The following ANO10 variants were observed in gnomAD, a reference collection of about 807,000 sequenced individuals.
The protein encoded by ANO10 is anoctamin 10, also known as anoctamin-10.
A neutral mutation model predicts 74.7 loss-of-function variants in ANO10; 77 were observed. The ratio of observed to expected loss-of-function variants is 1.03; its 90% confidence interval spans 0.86 to 1.25. The LOEUF is 1.25. Ranked by LOEUF, ANO10 falls within the 50% of genes most tolerant of loss-of-function variation. ANO10 has a pLI of 0.00. For missense variants in ANO10, 721 were observed against 778.1 expected, an observed-to-expected ratio of 0.93 and a Z score of 0.87; for synonymous variants, 279 against 284.9, an observed-to-expected ratio of 0.98 and a Z score of 0.21.
intron 11 of ANO10, among the ~76,000 whole-genome samples, chr3:43,440,204 ATTACT>A (rs2093138783): frequency 6.6e-6 from 1 of 152,172 alleles, no homozygotes; most frequent in Admixed American, 6.6e-5. Context: ...TCTATCAGTA[ATTACT>A]TTAAGTGTAA....
chr3:43,452,330 G>C (rs1213474085), intron 11 of ANO10, among the ~76,000 whole-genome samples: 1 of 152,202 alleles, frequency 6.6e-6, no homozygotes, highest in African/African-American at 2.4e-5. Flanking sequence ...GCCCCTTAAT[G>C]GTCATTTTCC....
At chr3:43,561,089 G>T in intron 9 of ANO10, 131 bp downstream of exon 9, 1 of 1,052,096 alleles carries the variant, frequency 9.5e-7, no homozygotes, top group Non-Finnish European at 1.5e-6. Context: ...GGTTCATGAT[G>T]AGGAAACTGA....
chr3:43,446,743 T>G (rs2093252168), intron 11 of ANO10, among the ~76,000 whole-genome samples: 1 of 152,182 alleles, frequency 6.6e-6, no homozygotes, highest in South Asian at 2.1e-4. Context: ...AGATGAATAT[T>G]CATAGGTAGA....
chr3:43,369,654 C>T (rs2091536957), intron 12 of ANO10, among the ~76,000 whole-genome samples: 1 of 152,110 alleles, frequency 6.6e-6, no homozygotes, highest in Non-Finnish European at 1.5e-5. Context: ...TGGTTTCCTT[C>T]CAAGGGCACT....
At chr3:43,533,732 T>C (rs2078573990) in intron 11 of ANO10, among the ~76,000 whole-genome samples, 1 of 152,208 alleles carries the variant, frequency 6.6e-6, no homozygotes, top group South Asian at 2.1e-4. Flanking sequence ...CTTCAACCTG[T>C]CATTTATTCA....
intron 12 of ANO10, among the ~76,000 whole-genome samples, chr3:43,370,667 T>G (rs2091577016): frequency 6.6e-6 from 1 of 152,184 alleles, no homozygotes; most frequent in African/African-American, 2.4e-5. Flanking sequence ...GCTGACGACT[T>G]CTCCAAAAAA....
intron 11 of ANO10, among the ~76,000 whole-genome samples, chr3:43,508,726 T>C (rs2077391336): frequency 2.0e-5 from 3 of 149,248 alleles, no homozygotes; most frequent in South Asian, 4.2e-4. Flanking sequence ...TTCTCACTCA[T>C]ACGTGGGAAT....
At chr3:43,485,626 A>C (rs1394762860) in intron 11 of ANO10, 1 of 203,168 alleles carries the variant, frequency 4.9e-6, no homozygotes, top group Non-Finnish European at 1.0e-5. Context: ...AAGGACCCCC[A>C]GTAACATTAG....
upstream of ANO10, among the ~76,000 whole-genome samples, chr3:43,622,368 C>G (rs2083438631): frequency 6.6e-6 from 1 of 152,194 alleles, no homozygotes; most frequent in Non-Finnish European, 1.5e-5. Context: ...GGCTGTCACT[C>G]CGAGCCGGGG....
At chr3:43,596,697 G>T (rs1258515297) in intron 4 of ANO10, among the ~76,000 whole-genome samples, 1 of 152,142 alleles carries the variant, frequency 6.6e-6, no homozygotes, top group Non-Finnish European at 1.5e-5. Context: ...CAGGACATAG[G>T]CATGGGCAAG....
chr3:43,459,243 G>A (rs11709131), intron 11 of ANO10, among the ~76,000 whole-genome samples: 9,770 of 151,618 alleles, frequency 0.064, 448 homozygotes, highest in Middle Eastern at 0.15. Flanking sequence ...CTCTTCTTTC[G>A]GTAGCCACAA....
intron 1 of ANO10, among the ~76,000 whole-genome samples, chr3:43,684,847 C>T (rs527576490): frequency 4.1e-4 from 63 of 152,172 alleles, no homozygotes; most frequent in Middle Eastern, 3.4e-3. Flanking sequence ...AACCAAACAC[C>T]GCATGTTCTC....
intron 1 of ANO10, among the ~76,000 whole-genome samples, chr3:43,667,599 C>T (rs2084007472): frequency 6.6e-6 from 1 of 152,106 alleles, no homozygotes; most frequent in Non-Finnish European, 1.5e-5. Context: ...TCCTGACCTT[C>T]CCTGCACCCT....
chr3:43,675,701 C>A (rs1434008406), intron 1 of ANO10, among the ~76,000 whole-genome samples: 1 of 152,040 alleles, frequency 6.6e-6, no homozygotes, highest in Non-Finnish European at 1.5e-5. Context: ...ACACCCATCA[C>A]TACACACCCA....
At chr3:43,493,884 T>C (rs1308365735) in intron 11 of ANO10, among the ~76,000 whole-genome samples, 1 of 152,050 alleles carries the variant, frequency 6.6e-6, no homozygotes, top group African/African-American at 2.4e-5. Context: ...TACAGGCACA[T>C]ACCACCACAC....
At chr3:43,521,247 AAACATTC>A (rs947585187) in intron 11 of ANO10, among the ~76,000 whole-genome samples, 2 of 152,172 alleles carry the variant, frequency 1.3e-5, no homozygotes, top group African/African-American at 2.4e-5. Context: ...GAGAAAAAGA[AAACATTC>A]AGCCTTTTAC....
At chr3:43,491,837 G>T (rs1432999069) in intron 11 of ANO10, among the ~76,000 whole-genome samples, 1 of 152,104 alleles carries the variant, frequency 6.6e-6, no homozygotes, top group Non-Finnish European at 1.5e-5. Context: ...CAGGAATGCA[G>T]AGATAGCTTA....
chr3:43,605,842 G>T lies in ANO10; in HGVS notation c.11C>A (p.Thr4Asn), dbSNP rs148379456. The change falls in exon 2 of 13, where the codon ACC becomes AAC. Residue 4 changes from threonine to asparagine, a missense_variant. Thr to Asn is a moderately conservative substitution (Grantham distance 65, BLOSUM62 0). Coordinates refer to ENST00000292246, the MANE Select transcript of ANO10 (RefSeq NM_018075.5). MKV[T>N]LSALDTSESS... ...CTCAGAAGTATCCAAAGCTGATAAG[G>T]TCACTTTCATCTTTGACAAATCTGC... 1.2e-6 allele frequency: 2 copies of T among 1,613,634 alleles called. No homozygotes were observed. Among genetic ancestry groups the T allele is most frequent in the Non-Finnish European group, 1.7e-6 (2 of 1,179,708 alleles).
intron 12 of ANO10, among the ~76,000 whole-genome samples, chr3:43,408,410 G>C (rs2092612902): frequency 6.6e-6 from 1 of 152,104 alleles, no homozygotes; most frequent in Admixed American, 6.5e-5. Context: ...AGGACATAAG[G>C]GAAACCAGCA....
Sources: gnomAD v4.1 joint callset for allele counts (sites outside exome capture counted in the v4.1 genomes callset) on GRCh38, gnomAD v4.1.1 for gene constraint, MANE v1.5 for transcripts, NCBI Gene and HGNC (gene_info 2026-07-23, HGNC 2026-07-21) for gene names.